Variants in MYO16 observed in about 807,000 individuals in gnomAD.
MYO16 encodes the protein unconventional myosin-XVI.
A neutral mutation model predicts 205.3 loss-of-function variants in MYO16; 94 were observed. The observed-to-expected ratio is 0.46, with a 90% CI of 0.39 to 0.54. The LOEUF (loss-of-function observed/expected upper bound fraction) is 0.54. Among genes scored for constraint, MYO16 ranks in the 20% least tolerant of loss-of-function variants. The probability of loss-of-function intolerance (pLI) is 0.00; values close to 1 mark genes in which losing one functional copy is unlikely to be tolerated. For missense variants in MYO16, 2,315 were observed against 2,387.5 expected (o/e 0.97, Z 0.63); for synonymous variants, 988 against 954.0 (o/e 1.04, Z -0.66).
At chr13:109,023,394 T>A (rs1338914966) in intron 23 of MYO16, among the ~76,000 whole-genome samples, 1 of 76,724 alleles carries the variant, frequency 1.3e-5, no homozygotes, top group Non-Finnish European at 2.2e-5. Flanking sequence ...CAGATATAAA[T>A]ATATATTTAT....
chr13:108,777,799 G>A (rs1886171180), intron 4 of MYO16, among the ~76,000 whole-genome samples: 1 of 152,148 alleles, frequency 6.6e-6, no homozygotes, highest in Admixed American at 6.5e-5. Flanking sequence ...GTTTACCTGT[G>A]TTCCCCAGGT....
chr13:109,103,232 A>C (rs117481788), intron 28 of MYO16, among the ~76,000 whole-genome samples: 5 of 152,314 alleles, frequency 3.3e-5, no homozygotes, highest in Non-Finnish European at 7.4e-5. Context: ...CATTTTTTAG[A>C]TATGTGTTGC....
chr13:108,518,716 C>T, the MYO16 span, among the ~76,000 whole-genome samples: 1 of 151,964 alleles, frequency 6.6e-6, no homozygotes, highest in Non-Finnish European at 1.5e-5. Context: ...CCTCTAAGGA[C>T]AGATATTTAA....
At chr13:108,981,537 C>G (rs2139415418) in intron 20 of MYO16, among the ~76,000 whole-genome samples, 1 of 152,372 alleles carries the variant, frequency 6.6e-6, no homozygotes, top group Admixed American at 6.5e-5. Context: ...GAAGCCTTGC[C>G]TGATTCTGCT....
the MYO16 span, among the ~76,000 whole-genome samples, chr13:108,561,365 G>A: frequency 6.6e-6 from 1 of 152,148 alleles, no homozygotes; most frequent in Non-Finnish European, 1.5e-5. Flanking sequence ...GACTTCCAAG[G>A]GCAACGTTTG....
At chr13:108,627,975 A>G (rs575116879), upstream of MYO16, among the ~76,000 whole-genome samples, 36 of 152,268 alleles carry the variant, frequency 2.4e-4, 2 homozygotes, top group East Asian at 1.9e-3. Context: ...ACCCGAAGAT[A>G]CATTAGATAA....
intron 11 of MYO16, among the ~76,000 whole-genome samples, chr13:108,863,816 T>C (rs951264727): frequency 6.6e-6 from 1 of 152,172 alleles, no homozygotes; most frequent in Non-Finnish European, 1.5e-5. Flanking sequence ...GTTTTCTTTG[T>C]GGAAAACTAT....
chr13:108,616,927 C>A (rs1466199504), intron 1 of MYO16, among the ~76,000 whole-genome samples: 4 of 152,046 alleles, frequency 2.6e-5, no homozygotes, highest in Non-Finnish European at 5.9e-5. Flanking sequence ...TTGAAACCTG[C>A]GAATGGCTCC....
intron 28 of MYO16, among the ~76,000 whole-genome samples, chr13:109,114,848 C>G (rs559695633): frequency 5.3e-5 from 8 of 152,184 alleles, no homozygotes; most frequent in African/African-American, 1.9e-4. Flanking sequence ...AATGAGTAAA[C>G]TAAATTAAGT....
chr13:108,546,371 G>A, the MYO16 span, among the ~76,000 whole-genome samples: 3 of 152,136 alleles, frequency 2.0e-5, no homozygotes, highest in African/African-American at 7.2e-5. Flanking sequence ...GGTTTTAAGG[G>A]TGTTGAAACA....
chr13:108,679,720 A>AT lies in MYO16; in HGVS notation c.292+13571_292+13572insT, dbSNP rs1555338193. On this transcript the variant is annotated intron_variant, in intron 2 of 34. Transcript: ENST00000457511. The stretch of plus-strand genomic sequence containing the variant: ...ACTGTTCTTGGTTCTGCAAAAAAAA[A>AT]AATAATAATAATAATAATAATAAAT... Among the ~76,000 whole-genome samples, 140 of 148,982 alleles carry AT rather than the reference A, an allele frequency of 9.4e-4. 1 individual carries two copies. In the South Asian group the frequency reaches 0.016, roughly 17 times the overall value.
intron 11 of MYO16, among the ~76,000 whole-genome samples, chr13:108,861,753 T>G (rs1484172876): frequency 6.6e-6 from 1 of 152,202 alleles, no homozygotes; most frequent in Non-Finnish European, 1.5e-5. Context: ...TATCTTCTTT[T>G]GTGAACTGCC....
At chr13:109,133,797 ATT>A (rs2139790554) in intron 31 of MYO16, among the ~76,000 whole-genome samples, 1 of 152,352 alleles carries the variant, frequency 6.6e-6, no homozygotes, top group South Asian at 2.1e-4. Flanking sequence ...TCTAACCAGT[ATT>A]TGCAAATGAA....
At chr13:109,089,558 A>G (rs570418657) in intron 27 of MYO16, among the ~76,000 whole-genome samples, 3 of 152,190 alleles carry the variant, frequency 2.0e-5, no homozygotes, top group East Asian at 3.9e-4. Context: ...ATTATTCTGT[A>G]TGTTGGTTGT....
chr13:108,821,737 C>T (rs545763532), intron 8 of MYO16, among the ~76,000 whole-genome samples: 23 of 152,170 alleles, frequency 1.5e-4, no homozygotes, highest in Middle Eastern at 3.4e-3. Context: ...ATCTTAGGAA[C>T]GGAGGCAATG....
intron 9 of MYO16, among the ~76,000 whole-genome samples, chr13:108,832,600 A>G (rs1166093046): frequency 5.9e-5 from 9 of 152,248 alleles, no homozygotes; most frequent in African/African-American, 2.2e-4. Flanking sequence ...AAAATGTCCC[A>G]GTTGGCACCT....
intron 23 of MYO16, among the ~76,000 whole-genome samples, chr13:109,046,197 G>C (rs1412510010): frequency 6.6e-6 from 1 of 152,142 alleles, no homozygotes; most frequent in African/African-American, 2.4e-5. Flanking sequence ...ATGACACACT[G>C]ACCGTGGTCT....
chr13:108,638,146 GGAGT>G (rs1447311418), intron 1 of MYO16, among the ~76,000 whole-genome samples: 2 of 152,128 alleles, frequency 1.3e-5, no homozygotes, highest in African/African-American at 4.8e-5. Context: ...GTTACTGAAA[GGAGT>G]GAGTGAGTCA....
At chr13:109,032,216 G>A (rs1440576095) in intron 23 of MYO16, among the ~76,000 whole-genome samples, 1 of 152,128 alleles carries the variant, frequency 6.6e-6, no homozygotes, top group African/African-American at 2.4e-5. Context: ...AACTTCCCAT[G>A]TGTCTCTTGG....
Sources: allele counts gnomAD v4.1 joint callset (sites outside exome capture counted in the v4.1 genomes callset), GRCh38; gene constraint gnomAD v4.1.1; transcripts MANE v1.5; gene names NCBI Gene and HGNC (gene_info 2026-07-23, HGNC 2026-07-21).